Variants in CDH12 observed in about 807,000 individuals in gnomAD.
CDH12 encodes cadherin 12.
CDH12 carries 41 observed loss-of-function variants against 74.1 expected under a neutral mutation model. That is an observed-to-expected ratio of 0.55 (90% CI 0.43 to 0.72). The LOEUF is 0.72. Ranked by LOEUF, CDH12 falls within the 30% of genes least tolerant of loss-of-function variation. CDH12 has a pLI of 0.00. For synonymous variants in CDH12, 399 were observed against 355.0 expected (o/e 1.12, Z -1.39); for missense variants, 945 against 977.2 (o/e 0.97, Z 0.44).
intron 2 of CDH12, among the ~76,000 whole-genome samples, chr5:22,490,368 A>G (rs1296587747): frequency 6.6e-6 from 1 of 152,150 alleles, no homozygotes; most frequent in Non-Finnish European, 1.5e-5. Flanking sequence ...ATTCCAAGAA[A>G]TCCGTTTTAT....
chr5:21,880,616 C>CTCTCTCTCTCTTTCT (rs1752255658), intron 6 of CDH12, among the ~76,000 whole-genome samples: 1 of 50,810 alleles, frequency 2.0e-5, no homozygotes, highest in African/African-American at 8.8e-5. Context: ...TCCTTCCTTC[C>CTCTCTCTCTCTTTCT]TTCTTTCTTT....
intron 1 of CDH12, among the ~76,000 whole-genome samples, chr5:22,659,308 C>T (rs762629791): frequency 5.9e-5 from 9 of 151,988 alleles, no homozygotes; most frequent in African/African-American, 1.9e-4. Flanking sequence ...ACCTCTATCT[C>T]GAAGCTTGGA....
intron 1 of CDH12, among the ~76,000 whole-genome samples, chr5:22,820,484 G>T (rs1463786713): frequency 6.6e-6 from 1 of 151,844 alleles, no homozygotes; most frequent in Non-Finnish European, 1.5e-5. Context: ...TCGATAGACC[G>T]CTAGCAAGAC....
chr5:22,474,351 A>T (rs187074933), intron 2 of CDH12, among the ~76,000 whole-genome samples: 1 of 152,276 alleles, frequency 6.6e-6, no homozygotes, highest in Admixed American at 6.5e-5. Context: ...ATGTCAGGGG[A>T]GTCAACCAAG....
intron 8 of CDH12, among the ~76,000 whole-genome samples, chr5:21,832,414 TCTC>T (rs1327681053): frequency 2.0e-5 from 3 of 152,014 alleles, no homozygotes; most frequent in Non-Finnish European, 4.4e-5. Context: ...AAACTCATGA[TCTC>T]CTTATAGGAG....
At chr5:22,438,407 T>C (rs557478693) in intron 2 of CDH12, among the ~76,000 whole-genome samples, 1 of 152,156 alleles carries the variant, frequency 6.6e-6, no homozygotes, top group Admixed American at 6.6e-5. Context: ...AATGAAGATA[T>C]TGAAGCTCAC....
chr5:22,585,272 A>C (rs1740325161), intron 1 of CDH12, among the ~76,000 whole-genome samples: 1 of 152,198 alleles, frequency 6.6e-6, no homozygotes, highest in Admixed American at 6.5e-5. Flanking sequence ...AGATCAGCGT[A>C]ACCGCCACTT....
chr5:22,809,789 T>C (rs1749041948), intron 1 of CDH12, among the ~76,000 whole-genome samples: 1 of 152,110 alleles, frequency 6.6e-6, no homozygotes, highest in Non-Finnish European at 1.5e-5. Flanking sequence ...AACACTTTAA[T>C]AACTTGGTGT....
At chr5:22,534,753 T>G (rs1472513748) in intron 1 of CDH12, among the ~76,000 whole-genome samples, 2 of 151,840 alleles carry the variant, frequency 1.3e-5, no homozygotes. Flanking sequence ...TCCCCTACCA[T>G]TGAAAACTAA....
At chr5:22,566,504 C>T (rs2126758904) in intron 1 of CDH12, among the ~76,000 whole-genome samples, 1 of 152,206 alleles carries the variant, frequency 6.6e-6, no homozygotes, top group East Asian at 1.9e-4. Context: ...TCCCAAAGTG[C>T]TGGGATTACA....
intron 4 of CDH12, among the ~76,000 whole-genome samples, chr5:22,153,466 G>T (rs1276917638): frequency 6.6e-6 from 1 of 151,590 alleles, no homozygotes; most frequent in Non-Finnish European, 1.5e-5. Context: ...ATGCTCTGAG[G>T]CTCTATGAAA....
Position 21,752,112 on chromosome 5 carries a change from G to A in CDH12, c.2010C>T (p.Thr670=). The change falls in exon 15 of 15, where the codon ACC becomes ACT. Residue 670 remains threonine (T), a synonymous_variant. Coordinates refer to ENST00000382254, the MANE Select transcript of CDH12 (RefSeq NM_004061.5). ...YDDEGGGEED[T]QAFDIGALRN... ...TCAGAGCCCCGATGTCGAAAGCCTG[G>A]GTATCTTCCTCCCCACCTCCTTCAT... is the stretch of plus-strand genomic sequence containing the variant. The A allele has an allele frequency of 6.2e-7, 1 of 1,614,002 alleles. No homozygotes were observed. Among genetic ancestry groups the A allele is most frequent in the Non-Finnish European group, 8.5e-7 (1 of 1,180,014 alleles).
intron 8 of CDH12, among the ~76,000 whole-genome samples, chr5:21,836,462 A>AACACACAC (rs60658949): frequency 0.085 from 12,238 of 143,356 alleles, 584 homozygotes; most frequent in South Asian, 0.12. Flanking sequence ...TAGAAAGGAA[A>AACACACAC]ACACACACAC....
At chr5:22,518,761 C>G (rs1736914695) in intron 1 of CDH12, among the ~76,000 whole-genome samples, 1 of 152,168 alleles carries the variant, frequency 6.6e-6, no homozygotes, top group Non-Finnish European at 1.5e-5. Flanking sequence ...GCAAAAAGAG[C>G]AGTTTCACTG....
chr5:22,441,129 G>T (rs953249525), intron 2 of CDH12, among the ~76,000 whole-genome samples: 3 of 152,062 alleles, frequency 2.0e-5, no homozygotes, highest in Non-Finnish European at 4.4e-5. Flanking sequence ...GACAATATCT[G>T]CTACCTGCTC....
At chr5:22,675,393 T>C (rs972352227) in intron 1 of CDH12, among the ~76,000 whole-genome samples, 1 of 152,154 alleles carries the variant, frequency 6.6e-6, no homozygotes, top group African/African-American at 2.4e-5. Flanking sequence ...TGCCTAGATT[T>C]CAGAGGATGT....
At chr5:21,795,042 A>T (rs1316948779) in intron 10 of CDH12, among the ~76,000 whole-genome samples, 1 of 151,722 alleles carries the variant, frequency 6.6e-6, no homozygotes, top group Non-Finnish European at 1.5e-5. Context: ...TTAAGATAAA[A>T]GAGTTCATCT....
intron 1 of CDH12, among the ~76,000 whole-genome samples, chr5:22,582,321 T>C (rs1407070989): frequency 2.0e-5 from 3 of 152,092 alleles, no homozygotes; most frequent in African/African-American, 7.3e-5. Context: ...TGGCAATGCA[T>C]CCACAGTGAC....
At chr5:22,447,705 T>C (rs192337735) in intron 2 of CDH12, among the ~76,000 whole-genome samples, 1 of 152,202 alleles carries the variant, frequency 6.6e-6, no homozygotes, top group African/African-American at 2.4e-5. Context: ...CAGTGAAAAC[T>C]ATTGCTAGCT....
Sources: gnomAD v4.1 joint callset for allele counts (sites outside exome capture counted in the v4.1 genomes callset) on GRCh38, gnomAD v4.1.1 for gene constraint, MANE v1.5 for transcripts, NCBI Gene and HGNC (gene_info 2026-07-23, HGNC 2026-07-21) for gene names.